DNAH11: variants seen among roughly 807,000 people sequenced by gnomAD.
The protein encoded by DNAH11 is axonemal beta dynein heavy chain 11.
A neutral mutation model predicts 526.0 loss-of-function variants in DNAH11; 442 were observed. That is an observed-to-expected ratio of 0.84 (90% CI 0.78 to 0.91). The LOEUF (loss-of-function observed/expected upper bound fraction) is 0.91, where lower values mean the gene tolerates loss of function less well. Ranked by LOEUF, DNAH11 falls within the 40% of genes least tolerant of loss-of-function variation. The pLI, the probability that DNAH11 is intolerant of heterozygous loss-of-function variation, is 0.00. For synonymous variants in DNAH11, 2,461 were observed against 1,935.9 expected (o/e 1.27, Z -7.12); for missense variants, 6,989 against 5,448.7 (o/e 1.28, Z -8.90).
At chr7:21,569,117 A>G (rs1335585431) in intron 6 of DNAH11, among the ~76,000 whole-genome samples, 2 of 152,186 alleles carry the variant, frequency 1.3e-5, no homozygotes, top group African/African-American at 2.4e-5. Context: ...CCTATATTGC[A>G]TGTAAAACTG....
At chr7:21,545,338 A>G (rs1782768651) in intron 2 of DNAH11, among the ~76,000 whole-genome samples, 189 bp downstream of exon 2, 1 of 146,876 alleles carries the variant, frequency 6.8e-6, no homozygotes, top group South Asian at 2.3e-4. Flanking sequence ...GGATGGAGTC[A>G]TAACATCTAG....
intron 5 of DNAH11, among the ~76,000 whole-genome samples, chr7:21,563,525 A>G (rs1386020100): frequency 1.3e-5 from 2 of 152,116 alleles, no homozygotes; most frequent in South Asian, 2.1e-4. Flanking sequence ...AATATTTACC[A>G]TGCTTAACAT....
At chr7:21,843,915 A>T (rs1782314060) in intron 66 of DNAH11, among the ~76,000 whole-genome samples, 1 of 152,266 alleles carries the variant, frequency 6.6e-6, no homozygotes, top group Non-Finnish European at 1.5e-5. Context: ...ATTAAGAATT[A>T]AAACAAGGAT....
chr7:21,898,809 C>G (rs575496382), intron 79 of DNAH11, among the ~76,000 whole-genome samples: 1 of 152,130 alleles, frequency 6.6e-6, no homozygotes, highest in Non-Finnish European at 1.5e-5. Flanking sequence ...CCTAATTAAC[C>G]TTTTTCCTCC....
At chr7:21,610,901 C>T (rs1480798187) in intron 20 of DNAH11, among the ~76,000 whole-genome samples, 2 of 152,222 alleles carry the variant, frequency 1.3e-5, no homozygotes, top group Non-Finnish European at 2.9e-5. Context: ...TCTATTCATA[C>T]TTCCTGGAAG....
At position 21,659,006 on chromosome 7, in the gene DNAH11, C is replaced by T; in HGVS notation, c.5303C>T (p.Ala1768Val). ...FSRLEEGYET[A>V]LKDFHKKQIS... Reference sequence around the variant, plus strand: ...AGACTGGAAGAAGGCTACGAAACAGCCCTGAAGGATTTCCATAAAAAACAG... The same window carrying T: ...AGACTGGAAGAAGGCTACGAAACAGTCCTGAAGGATTTCCATAAAAAACAG... Residue 1768 changes from alanine (A) to valine (V), a missense_variant, in exon 30 of 82, where the codon GCC becomes GTC. Physicochemically the swap from Ala to Val is moderately conservative, Grantham distance 64. Transcript: ENST00000409508. 6.2e-7 allele frequency: 1 copy of T among 1,600,822 alleles called. No individual in the cohort carries two copies. The highest frequency in any genetic ancestry group is 8.5e-7 in the Non-Finnish European group (1 of 1,174,500).
intron 42 of DNAH11, among the ~76,000 whole-genome samples, chr7:21,713,127 G>A (rs1232457461): frequency 6.6e-6 from 1 of 152,146 alleles, no homozygotes; most frequent in East Asian, 1.9e-4. Context: ...AGTTCATCCT[G>A]GTTGTAACTT....
At chr7:21,624,897 G>T (rs1786257419) in intron 25 of DNAH11, among the ~76,000 whole-genome samples, 1 of 151,854 alleles carries the variant, frequency 6.6e-6, no homozygotes, top group Non-Finnish European at 1.5e-5. Context: ...ACTTGATCAT[G>T]GTGAATGATC....
chr7:21,625,465 A>T (rs144122375), intron 25 of DNAH11, among the ~76,000 whole-genome samples: 1 of 151,846 alleles, frequency 6.6e-6, no homozygotes, highest in African/African-American at 2.4e-5. Flanking sequence ...TCTTCATTCC[A>T]TTGGTCGTTT....
chr7:21,593,857 G>T (rs1583511021), intron 14 of DNAH11, among the ~76,000 whole-genome samples: 1 of 151,838 alleles, frequency 6.6e-6, no homozygotes, highest in African/African-American at 2.4e-5. Context: ...TCTCCTTTGG[G>T]CAAGGCAGAC....
At chr7:21,620,674 A>T (rs1378754226) in intron 25 of DNAH11, among the ~76,000 whole-genome samples, 5 of 147,704 alleles carry the variant, frequency 3.4e-5, no homozygotes, top group Non-Finnish European at 6.0e-5. Context: ...TTAACTCGTC[A>T]TTTAGCATTA....
At chr7:21,617,982 C>A (rs1785862567) in intron 23 of DNAH11, among the ~76,000 whole-genome samples, 1 of 152,210 alleles carries the variant, frequency 6.6e-6, no homozygotes, top group Non-Finnish European at 1.5e-5. Context: ...TCCAGGCTGT[C>A]CCCAGGACAG....
At chr7:21,803,581 C>G (rs890725146) in intron 62 of DNAH11, among the ~76,000 whole-genome samples, 1 of 146,720 alleles carries the variant, frequency 6.8e-6, no homozygotes, top group Non-Finnish European at 1.5e-5. Context: ...ACTGCTAACT[C>G]CACCCCACAC....
At chr7:21,645,290 A>G (rs1787304523) in intron 28 of DNAH11, among the ~76,000 whole-genome samples, 2 of 152,256 alleles carry the variant, frequency 1.3e-5, no homozygotes, top group African/African-American at 2.4e-5. Context: ...GCTTCCAGCT[A>G]TAACAGATTA....
At chr7:21,803,548 T>G in intron 62 of DNAH11, among the ~76,000 whole-genome samples, 1 of 152,074 alleles carries the variant, frequency 6.6e-6, no homozygotes. Flanking sequence ...CCCACTTAAG[T>G]TTCTTTAGTC....
At position 21,786,752 on chromosome 7, in the gene DNAH11, A is replaced by G; in HGVS notation, c.9726A>G (p.Lys3242=). The G allele has an allele frequency of 6.2e-7, 1 of 1,613,834 alleles. No individual in the cohort carries two copies. Among genetic ancestry groups the G allele is most frequent in the Non-Finnish European group, 8.5e-7 (1 of 1,179,738 alleles). The change falls in exon 59 of 82, where the codon AAA becomes AAG. Residue 3242 remains lysine, a synonymous_variant. Coordinates refer to ENST00000409508, the MANE Select transcript of DNAH11 (RefSeq NM_001277115.2). ...AAGACCGAAGTTGGAAAGCAGCTAA[A>G]GTCTTCATGGGAAAGGTATCAGCCC... ...VPKDRSWKAA[K]VFMGKVDDFL...
In DNAH11 at chr7:21,543,467, G is replaced by A. The variant is rs886309783; in HGVS notation, c.222G>A (p.Glu74=). Residue 74 remains glutamate, a synonymous_variant, in exon 1 of 82, where the codon GAG becomes GAA. Transcript: ENST00000409508. ...GRLAMMLGFT[E]EKWSQYLESE... is the part of the protein sequence containing the mutation. ...TGGCGATGATGCTGGGGTTCACGGA[G>A]GAGAAATGGAGCCAGTATTTGGAAA... 5 of 1,585,586 alleles carry A rather than the reference G, an allele frequency of 3.2e-6. No homozygotes were observed. Among genetic ancestry groups the A allele is most frequent in the South Asian group, 1.2e-5 (1 of 86,954 alleles).
chr7:21,795,903 A>G (rs936345442), intron 61 of DNAH11, among the ~76,000 whole-genome samples: 1 of 152,338 alleles, frequency 6.6e-6, no homozygotes, highest in Non-Finnish European at 1.5e-5. Flanking sequence ...ATCCAGTCTT[A>G]AAAGATGAAT....
At position 21,854,432 on chromosome 7, in the gene DNAH11, C is replaced by A. The variant is rs748733879; in HGVS notation, c.11179C>A (p.Pro3727Thr). ...TATTAATGACCTCCAAAAAATCAAC[C>A]CCCTCTACCAATTCTCTTTGAAGGT... ...FVINDLQKIN[P>T]LYQFSLKAFN... is the part of the protein sequence containing the mutation. The change falls in exon 68 of 82, where the codon CCC becomes ACC. Residue 3727 changes from proline (P) to threonine (T), a missense_variant. Physicochemically the swap from Pro to Thr is conservative, Grantham distance 38. Transcript: ENST00000409508. 1 of 1,613,686 alleles carries A rather than the reference C, an allele frequency of 6.2e-7. No homozygotes were observed.
Sources: gnomAD v4.1 joint callset for allele counts (sites outside exome capture counted in the v4.1 genomes callset) on GRCh38, gnomAD v4.1.1 for gene constraint, MANE v1.5 for transcripts, NCBI Gene and HGNC (gene_info 2026-07-23, HGNC 2026-07-21) for gene names.